SLC35F4: variants seen among roughly 807,000 people sequenced by gnomAD.
The protein encoded by SLC35F4 is chromosome 14 open reading frame 36.
In SLC35F4, 24 loss-of-function variants were observed where a neutral mutation model predicts 44.2. The ratio of observed to expected loss-of-function variants is 0.54; its 90% CI spans 0.39 to 0.76. The LOEUF is 0.76. Ranked by LOEUF, SLC35F4 falls within the 30% of genes least tolerant of loss-of-function variation. The pLI is 0.00. For synonymous variants in SLC35F4, 238 were observed against 223.6 expected, an observed-to-expected ratio of 1.06 and a Z score of -0.57; for missense variants, 562 against 586.1, an observed-to-expected ratio of 0.96 and a Z score of 0.42.
At chr14:57,570,285 G>C (rs411434) in intron 5 of SLC35F4, among the ~76,000 whole-genome samples, 33,578 of 152,100 alleles carry the variant, frequency 0.22, 3,897 homozygotes, top group East Asian at 0.32. Context: ...TAAGAGTCCA[G>C]ACAAGCCCAG....
intron 1 of SLC35F4, among the ~76,000 whole-genome samples, chr14:57,667,195 G>C (rs1360734334): frequency 6.7e-6 from 1 of 150,062 alleles, no homozygotes; most frequent in Non-Finnish European, 1.5e-5. Context: ...CAAGCATGGG[G>C]GAGGGAGGGA....
At chr14:57,585,318 G>C (rs538696669) in intron 3 of SLC35F4, among the ~76,000 whole-genome samples, 1 of 152,218 alleles carries the variant, frequency 6.6e-6, no homozygotes, top group Non-Finnish European at 1.5e-5. Context: ...TCTTAAACTA[G>C]GTATGGATGG....
chr14:57,750,770 T>A (rs1360104569), intron 1 of SLC35F4, among the ~76,000 whole-genome samples: 1 of 152,174 alleles, frequency 6.6e-6, no homozygotes, highest in Non-Finnish European at 1.5e-5. Flanking sequence ...TGTTTGAACT[T>A]TTTGTATATT....
At chr14:57,944,691 A>G (rs1322598780) in intron 1 of SLC35F4, among the ~76,000 whole-genome samples, 1 of 102,298 alleles carries the variant, frequency 9.8e-6, no homozygotes, top group Non-Finnish European at 1.9e-5. Context: ...GAAAAGAAAG[A>G]AAGAAAAGAA....
intron 1 of SLC35F4, among the ~76,000 whole-genome samples, chr14:57,668,469 A>C (rs1360636346): frequency 6.6e-6 from 1 of 152,066 alleles, no homozygotes; most frequent in African/African-American, 2.4e-5. Context: ...TTTAGGTCTA[A>C]CATTTAAGTC....
At chr14:57,624,964 G>T (rs1280495868) in intron 1 of SLC35F4, among the ~76,000 whole-genome samples, 2 of 152,124 alleles carry the variant, frequency 1.3e-5, no homozygotes. Flanking sequence ...GGGCAATCAG[G>T]CAAGAGAAAG....
chr14:57,736,842 C>A (rs2076477088), intron 1 of SLC35F4, among the ~76,000 whole-genome samples: 1 of 152,154 alleles, frequency 6.6e-6, no homozygotes, highest in Admixed American at 6.5e-5. Flanking sequence ...CAAATGGGAA[C>A]TTACCCTAAG....
chr14:57,979,923 G>A (rs1374998353), intron 1 of SLC35F4, among the ~76,000 whole-genome samples: 1 of 152,234 alleles, frequency 6.6e-6, no homozygotes, highest in Non-Finnish European at 1.5e-5. Flanking sequence ...AATAGTAAAT[G>A]TCATAATCAG....
upstream of SLC35F4, among the ~76,000 whole-genome samples, chr14:57,982,930 G>A (rs1881425847): frequency 1.3e-5 from 2 of 152,084 alleles, no homozygotes; most frequent in African/African-American, 4.8e-5. Context: ...ATGGGAAATA[G>A]GTGACTGCCA....
At chr14:57,670,279 A>G (rs2074469564) in intron 1 of SLC35F4, among the ~76,000 whole-genome samples, 1 of 151,842 alleles carries the variant, frequency 6.6e-6, no homozygotes, top group Non-Finnish European at 1.5e-5. Context: ...TTCAAAGAAC[A>G]GCTCCTGGAT....
Position 57,567,410 on chromosome 14 carries a change from G to C in SLC35F4, c.1127-846C>G, listed in dbSNP as rs117494370. Reference sequence around the variant, plus strand: ...ATCTCCATGACAATGAGGCAAGCATGTTGTGTATATCTCTGCAGAACCAAA... The same window carrying C: ...ATCTCCATGACAATGAGGCAAGCATCTTGTGTATATCTCTGCAGAACCAAA... On this transcript the variant is annotated intron_variant, in intron 6 of 7. Transcript: ENST00000556826. 9.1e-3 allele frequency among the ~76,000 whole-genome samples: 1,393 copies of C among 152,326 alleles called. 6 individuals are homozygous for C. The highest frequency in any genetic ancestry group is 0.017 in the Non-Finnish European group (1,158 of 68,032).
chr14:57,711,786 C>A (rs1422218502), intron 1 of SLC35F4, among the ~76,000 whole-genome samples: 1 of 152,178 alleles, frequency 6.6e-6, no homozygotes, highest in Non-Finnish European at 1.5e-5. Flanking sequence ...AATTAAGCTG[C>A]ATGCAGCACT....
At chr14:57,722,413 G>A (rs1201577243) in intron 1 of SLC35F4, among the ~76,000 whole-genome samples, 2 of 152,172 alleles carry the variant, frequency 1.3e-5, no homozygotes, top group South Asian at 2.1e-4. Flanking sequence ...CATCCCAGCT[G>A]GGAGGGTCCA....
chr14:57,564,087 T>G lies in SLC35F4; in HGVS notation c.*48A>C. The G allele has an allele frequency of 6.3e-7, 1 of 1,597,284 alleles. No homozygotes were observed. The highest frequency in any genetic ancestry group is 1.8e-4 in the Middle Eastern group (1 of 5,648). ...GTGTACAGGTAGTGAGAAAATTTTG[T>G]TATATTCACAGAATATACATACACG... On this transcript the variant is annotated 3_prime_UTR_variant, in exon 8 of 8. Coordinates refer to ENST00000556826, the MANE Select transcript of SLC35F4 (RefSeq NM_001306087.2).
At chr14:57,789,800 A>T (rs1177149039) in intron 1 of SLC35F4, among the ~76,000 whole-genome samples, 1 of 152,218 alleles carries the variant, frequency 6.6e-6, no homozygotes, top group Non-Finnish European at 1.5e-5. Flanking sequence ...ATCCACCATT[A>T]TCAAGTTGGC....
At chr14:57,910,163 C>A (rs183291923) in intron 1 of SLC35F4, among the ~76,000 whole-genome samples, 17 of 152,000 alleles carry the variant, frequency 1.1e-4, no homozygotes, top group Admixed American at 8.5e-4. Flanking sequence ...TTTCTTATTA[C>A]TGAGTTTTAA....
At chr14:57,628,243 A>AT (rs34583525) in intron 1 of SLC35F4, among the ~76,000 whole-genome samples, 21,004 of 128,986 alleles carry the variant, frequency 0.16, 1,897 homozygotes, top group East Asian at 0.42. Context: ...ATATGACTGA[A>AT]TTTTTTTTTT....
chr14:57,680,324 C>G (rs1002019641), intron 1 of SLC35F4, among the ~76,000 whole-genome samples: 2 of 152,014 alleles, frequency 1.3e-5, no homozygotes, highest in Non-Finnish European at 2.9e-5. Context: ...AATTCAACAG[C>G]CCTTCATGCT....
chr14:57,876,260 T>C (rs1888397919), intron 1 of SLC35F4, among the ~76,000 whole-genome samples: 1 of 152,194 alleles, frequency 6.6e-6, no homozygotes, highest in South Asian at 2.1e-4. Context: ...CCTGTAAAGT[T>C]ACGGCATTCT....
Sources: gnomAD v4.1 joint callset for allele counts (sites outside exome capture counted in the v4.1 genomes callset) on GRCh38, gnomAD v4.1.1 for gene constraint, MANE v1.5 for transcripts, NCBI Gene and HGNC (gene_info 2026-07-23, HGNC 2026-07-21) for gene names.